Variants in CCDC40 observed in about 807,000 individuals in gnomAD.
CCDC40 encodes coiled-coil domain 40 molecular ruler complex subunit.
In CCDC40, 104 loss-of-function variants were observed where a neutral mutation model predicts 124.5. The observed-to-expected ratio is 0.84, with a 90% CI of 0.71 to 0.98. CCDC40 has a LOEUF of 0.98. Among genes scored for constraint, CCDC40 ranks in the 50% least tolerant of loss-of-function variants. The pLI is 0.00. For missense variants in CCDC40, 1,463 were observed against 1,503.9 expected (o/e 0.97, Z 0.45); for synonymous variants, 580 against 602.9 (o/e 0.96, Z 0.56).
intron 16 of CCDC40, among the ~76,000 whole-genome samples, chr17:80,089,038 C>T (rs922950265): frequency 2.0e-5 from 3 of 152,360 alleles, no homozygotes; most frequent in East Asian, 3.9e-4. Context: ...CTATACAATG[C>T]GTGCAAAGTA....
At chr17:80,044,735 A>C (rs149274086) in intron 3 of CCDC40, among the ~76,000 whole-genome samples, 10,126 of 134,876 alleles carry the variant, frequency 0.075, 1,424 homozygotes, top group African/African-American at 0.26. Context: ...ATATATATAT[A>C]TATCTCAACA....
chr17:80,089,285 G>C (rs1026197405), intron 16 of CCDC40, among the ~76,000 whole-genome samples: 2 of 152,220 alleles, frequency 1.3e-5, no homozygotes. Flanking sequence ...CCTTTCTTCA[G>C]CGTGCTCCGG....
chr17:80,063,245 GCA>G (rs1299339674), intron 9 of CCDC40, among the ~76,000 whole-genome samples: 2 of 151,772 alleles, frequency 1.3e-5, no homozygotes, highest in South Asian at 2.1e-4. Context: ...ATTTGATTTC[GCA>G]CACACACACA....
Position 80,099,894 on chromosome 17 carries a change from C to T in CCDC40, c.*119C>T, listed in dbSNP as rs556535355. On this transcript the variant is annotated 3_prime_UTR_variant, in exon 20 of 20. Coordinates refer to ENST00000397545, the MANE Select transcript of CCDC40 (RefSeq NM_017950.4). ...ACCACATGTACCCTCAGAAGGGCAT[C>T]GTTTAAGAGAAATAAGCCAGCCCCA... is the stretch of plus-strand genomic sequence containing the variant. The T allele has an allele frequency of 1.8e-6, 2 of 1,140,608 alleles. No homozygotes were observed. The highest frequency in any genetic ancestry group is 5.1e-5 in the East Asian group (2 of 39,208). The allele number at this position is 1,140,608 out of a possible 1,614,324, so 70.7% of individuals were successfully genotyped here. A position where few individuals can be genotyped will look rare whatever the true frequency, so the allele number is the denominator to read the frequency against.
intron 12 of CCDC40, among the ~76,000 whole-genome samples, chr17:80,082,671 A>G (rs895353025): frequency 1.3e-5 from 2 of 152,104 alleles, no homozygotes; most frequent in African/African-American, 4.8e-5. Context: ...GGGGTGGGAA[A>G]GGAGCTGGCC....
chr17:80,086,765 CG>C lies in CCDC40; in HGVS notation c.2449+553del, dbSNP rs147388434. On this transcript the variant is annotated intron_variant, in intron 14 of 19. Coordinates refer to ENST00000397545, the MANE Select transcript of CCDC40 (RefSeq NM_017950.4). This position sits in a 1 kb window ranked among gnomAD's most constrained non-coding sequence, Gnocchi z 5.5. ...TCCCGGGTCCTGCCCGGTCTTGGGT[CG>C]GGGATCCATGCTGGTCAGGCCTGCA... The C allele has an allele frequency of 0.042, 7,268 of 173,908 alleles. 175 individuals carry two copies. The highest frequency in any genetic ancestry group is 0.049 in the Non-Finnish European group (4,003 of 81,174). The allele number at this position is 173,908 out of a possible 1,614,324, so 10.8% of individuals were successfully genotyped here.
intron 10 of CCDC40, among the ~76,000 whole-genome samples, chr17:80,076,901 A>T (rs768506940): frequency 3.2e-4 from 48 of 151,892 alleles, no homozygotes; most frequent in Non-Finnish European, 5.0e-4. Flanking sequence ...GCCCACCACG[A>T]CACCTGGTAT....
At chr17:80,069,232 C>T (rs1034232553) in intron 10 of CCDC40, among the ~76,000 whole-genome samples, 2 of 152,248 alleles carry the variant, frequency 1.3e-5, no homozygotes, top group East Asian at 3.9e-4. Context: ...CTGACTTCCC[C>T]GTCCTTGGTC....
intron 5 of CCDC40, 142 bp downstream of exon 5, chr17:80,048,903 A>G (rs2037502989): frequency 1.2e-6 from 1 of 808,754 alleles, no homozygotes; most frequent in Admixed American, 2.0e-5. Flanking sequence ...GTTTATTGGC[A>G]CTGATTGACC....
intron 10 of CCDC40, chr17:80,067,493 T>C (rs2038075064): frequency 8.9e-7 from 1 of 1,128,454 alleles, no homozygotes; most frequent in Non-Finnish European, 1.3e-6. Flanking sequence ...CTTTGCTTTT[T>C]CCATTTAACA....
intron 12 of CCDC40, among the ~76,000 whole-genome samples, chr17:80,082,318 C>T (rs111230992): frequency 1.8e-5 from 2 of 112,516 alleles, no homozygotes; most frequent in African/African-American, 3.4e-5. Context: ...AGTGTGACTT[C>T]GACGTCCATG....
chr17:80,094,744 T>A (rs1400343958), intron 17 of CCDC40, among the ~76,000 whole-genome samples: 1 of 152,098 alleles, frequency 6.6e-6, no homozygotes, highest in Non-Finnish European at 1.5e-5. Context: ...CGCGCACACA[T>A]CTACGTAGCC....
intron 5 of CCDC40, 131 bp downstream of exon 5, chr17:80,048,892 C>T (rs1386877029): frequency 1.1e-5 from 9 of 843,220 alleles, no homozygotes; most frequent in Admixed American, 2.0e-5. Context: ...TTCACTGCAC[C>T]GTTTATTGGC....
In CCDC40 at chr17:80,099,865, A is replaced by G. The variant is rs867728304; in HGVS notation, c.*90A>G. On this transcript the variant is annotated 3_prime_UTR_variant, in exon 20 of 20. Coordinates refer to ENST00000397545, the MANE Select transcript of CCDC40 (RefSeq NM_017950.4). The stretch of plus-strand genomic sequence containing the variant: ...GGGACTTGGAATCTTTTGTGTTCCT[A>G]AAAACCACATGTACCCTCAGAAGGG... 12 of 1,443,092 alleles carry G rather than the reference A, an allele frequency of 8.3e-6. No homozygotes were observed. Among genetic ancestry groups the G allele is most frequent in the Middle Eastern group, 3.8e-4 (2 of 5,222 alleles). 89.4% of individuals were successfully genotyped at this position (1,443,092 alleles called of 1,614,324 possible).
At chr17:80,069,315 T>G (rs890055605) in intron 10 of CCDC40, among the ~76,000 whole-genome samples, 5 of 152,226 alleles carry the variant, frequency 3.3e-5, no homozygotes, top group Non-Finnish European at 7.3e-5. Flanking sequence ...AGCTGCAAGC[T>G]TAGCTCAGAA....
chr17:80,041,395 C>G (rs539382744), intron 3 of CCDC40, among the ~76,000 whole-genome samples: 6 of 152,046 alleles, frequency 3.9e-5, no homozygotes, highest in Non-Finnish European at 8.8e-5. Context: ...GTAATCCCAG[C>G]TACTCGGGAG....
chr17:80,050,461 T>G (rs1016667724), intron 7 of CCDC40, among the ~76,000 whole-genome samples, 178 bp downstream of exon 7: 9 of 152,174 alleles, frequency 5.9e-5, no homozygotes, highest in African/African-American at 1.4e-4. Flanking sequence ...GTTGTTTTTT[T>G]GAGATGGAGT....
In CCDC40 at chr17:80,058,474, T is replaced by TC. The variant is rs767776335; in HGVS notation, c.1160-15dup. 2.2e-5 allele frequency: 35 copies of TC among 1,611,994 alleles called. No individual in the cohort carries two copies. Among genetic ancestry groups the TC allele is most frequent in the Non-Finnish European group, 2.9e-5 (34 of 1,179,424 alleles). ...TCCCCACTCACTCTCTCTCTCTTTC[T>TC]CCCCCGCCGCGCCCCGCAGTGGCGG... On this transcript the variant is annotated intron_variant, in intron 7 of 19. Transcript: ENST00000397545. This position sits in a 1 kb window ranked among gnomAD's most constrained non-coding sequence, Gnocchi z 4.2.
chr17:80,047,488 C>A, intron 4 of CCDC40, 86 bp downstream of exon 4: 1 of 1,399,180 alleles, frequency 7.1e-7, no homozygotes, highest in Non-Finnish European at 9.9e-7. Context: ...ACTCGTTTGT[C>A]ATCCGTTACC....
Sources: allele counts gnomAD v4.1 joint callset (sites outside exome capture counted in the v4.1 genomes callset), GRCh38; gene constraint gnomAD v4.1.1; non-coding constraint Gnocchi (gnomAD v3.1); transcripts MANE v1.5; gene names NCBI Gene and HGNC (gene_info 2026-07-23, HGNC 2026-07-21).